Variants in PDE9A observed in about 807,000 individuals in gnomAD.
The protein encoded by PDE9A is phosphodiesterase 9A.
A neutral mutation model predicts 87.4 loss-of-function variants in PDE9A; 60 were observed. The observed-to-expected ratio is 0.69, with a 90% CI of 0.56 to 0.85. PDE9A has a LOEUF of 0.85. Among genes scored for constraint, PDE9A ranks in the 40% least tolerant of loss-of-function variants. The pLI, the probability that PDE9A is intolerant of heterozygous loss-of-function variation, is 0.00. For synonymous variants in PDE9A, 272 were observed against 279.4 expected (o/e 0.97, Z 0.27); for missense variants, 665 against 779.0 (o/e 0.85, Z 1.74).
rs770094354 is a variant in PDE9A at position 42,760,460 on chromosome 21, C to A, written c.1002+28C>A. On this transcript the variant is annotated intron_variant, in intron 12 of 19. Transcript: ENST00000291539. This position sits in a 1 kb window ranked among gnomAD's most constrained non-coding sequence, Gnocchi z 5.2. ...GGGTCCTGCCCGCTGCACACCCAGA[C>A]CTCTACTCTCGGGGGTCAGACGGAG... 1.5e-6 allele frequency: 2 copies of A among 1,351,128 alleles called. No homozygotes were observed. Among genetic ancestry groups the A allele is most frequent in the Non-Finnish European group, 2.1e-6 (2 of 952,206 alleles). The allele number at this position is 1,351,128 out of a possible 1,614,324, so 83.7% of individuals were successfully genotyped here. A position where few individuals can be genotyped will look rare whatever the true frequency, so the allele number is the denominator to read the frequency against.
At chr21:42,771,021 C>G (rs2269173) in intron 18 of PDE9A, among the ~76,000 whole-genome samples, 58,739 of 152,178 alleles carry the variant, frequency 0.39, 11,615 homozygotes, top group South Asian at 0.57. Flanking sequence ...GGTCTCAGTA[C>G]CTTCGAGGGA....
At chr21:42,656,764 G>C (rs1444015861) in intron 1 of PDE9A, among the ~76,000 whole-genome samples, 1 of 152,084 alleles carries the variant, frequency 6.6e-6, no homozygotes. Flanking sequence ...TGAGTCGGAG[G>C]TTGCCTCCTG....
intron 1 of PDE9A, among the ~76,000 whole-genome samples, chr21:42,681,232 G>C (rs1225301308): frequency 6.6e-6 from 1 of 152,226 alleles, no homozygotes; most frequent in Non-Finnish European, 1.5e-5. Context: ...AGAAGCCATG[G>C]ACAAAAGGAG....
rs375752742 is a variant in PDE9A at position 42,705,429 on chromosome 21, C to T, written c.262+6418C>T. 3.4e-4 allele frequency among the ~76,000 whole-genome samples: 52 copies of T among 152,260 alleles called. No individual in the cohort carries two copies. The highest frequency in any genetic ancestry group is 1.1e-3 in the African/African-American group (47 of 41,558). On this transcript the variant is annotated intron_variant, in intron 4 of 19. Transcript: ENST00000291539. This position sits in a 1 kb window ranked among gnomAD's most constrained non-coding sequence, Gnocchi z 4.3. Reference sequence around the variant, plus strand: ...CTGATGGCGGTTGACGGGTGTCCCCCGAGTGCCCTCGGCTGCCAGGAGCTG... The same window carrying T: ...CTGATGGCGGTTGACGGGTGTCCCCTGAGTGCCCTCGGCTGCCAGGAGCTG...
chr21:42,668,731 G>A (rs1221433486), intron 1 of PDE9A, among the ~76,000 whole-genome samples: 1 of 152,214 alleles, frequency 6.6e-6, no homozygotes, highest in Non-Finnish European at 1.5e-5. Context: ...CGGGATCCGC[G>A]CAGATGCCGG....
chr21:42,661,046 T>C (rs2057444100), intron 1 of PDE9A, among the ~76,000 whole-genome samples: 2 of 151,888 alleles, frequency 1.3e-5, no homozygotes, highest in Non-Finnish European at 2.9e-5. Flanking sequence ...TTTTTTTTTT[T>C]TTTGAGATGG....
At chr21:42,665,219 T>A (rs1434004998) in intron 1 of PDE9A, among the ~76,000 whole-genome samples, 2 of 151,910 alleles carry the variant, frequency 1.3e-5, no homozygotes, top group East Asian at 3.9e-4. Flanking sequence ...CTCCCTGGAG[T>A]CCTGGGAAGG....
At chr21:42,717,440 A>C (rs2050050171) in intron 4 of PDE9A, among the ~76,000 whole-genome samples, 1 of 147,338 alleles carries the variant, frequency 6.8e-6, no homozygotes, top group Admixed American at 6.8e-5. Context: ...ACAGGCGCCC[A>C]CCACCATGCC....
intron 1 of PDE9A, among the ~76,000 whole-genome samples, chr21:42,655,226 C>T (rs1361138923): frequency 6.6e-6 from 1 of 152,216 alleles, no homozygotes; most frequent in Admixed American, 6.5e-5. Context: ...GGCACATGCA[C>T]ACACACTTTT....
At chr21:42,732,260 A>T (rs974833647) in intron 6 of PDE9A, 136 bp downstream of exon 6, 4 of 780,656 alleles carry the variant, frequency 5.1e-6, no homozygotes, top group Middle Eastern at 3.3e-4. Flanking sequence ...AGCTGCCCGC[A>T]CGGTGGAAGC....
chr21:42,771,217 C>T (rs1602603533), intron 18 of PDE9A, among the ~76,000 whole-genome samples: 1 of 152,186 alleles, frequency 6.6e-6, no homozygotes, highest in Non-Finnish European at 1.5e-5. Context: ...TCCCCTGGCA[C>T]GGGGACAAAG....
At chr21:42,773,259 CA>C (rs10552392) in intron 19 of PDE9A, among the ~76,000 whole-genome samples, 33,772 of 84,242 alleles carry the variant, frequency 0.4, 3,310 homozygotes, top group Admixed American at 0.45. Flanking sequence ...GACTCCATCT[CA>C]AAAAAAAAAA....
intron 1 of PDE9A, among the ~76,000 whole-genome samples, chr21:42,654,878 C>T (rs551062095): frequency 6.6e-6 from 1 of 152,300 alleles, no homozygotes; most frequent in Non-Finnish European, 1.5e-5. Context: ...CTTTGAGAGA[C>T]TCAGATAACC....
intron 4 of PDE9A, among the ~76,000 whole-genome samples, chr21:42,728,960 A>ACTGCACT (rs1353815541): frequency 6.8e-6 from 1 of 147,644 alleles, no homozygotes; most frequent in Non-Finnish European, 1.5e-5. Context: ...GGATCATACC[A>ACTGCACT]CTGCACTCCA....
chr21:42,761,015 C>T (rs1248341714), intron 13 of PDE9A, 108 bp downstream of exon 13: 22 of 752,356 alleles, frequency 2.9e-5, no homozygotes, highest in South Asian at 2.6e-4. Context: ...CTGTCAACGA[C>T]GGCCTCCCAG....
intron 1 of PDE9A, among the ~76,000 whole-genome samples, chr21:42,677,199 C>T (rs1382392311): frequency 1.3e-5 from 2 of 152,182 alleles, no homozygotes; most frequent in Non-Finnish European, 2.9e-5. Context: ...AGGAAAATTT[C>T]GCTCCAGATT....
chr21:42,666,665 C>G (rs893397549), intron 1 of PDE9A, among the ~76,000 whole-genome samples: 1 of 152,140 alleles, frequency 6.6e-6, no homozygotes, highest in Non-Finnish European at 1.5e-5. Context: ...CATGCAGGGC[C>G]GAGCCTCTGC....
At chr21:42,732,238 C>A in intron 6 of PDE9A, 114 bp downstream of exon 6, 1 of 1,022,216 alleles carries the variant, frequency 9.8e-7, no homozygotes, top group South Asian at 1.4e-5. Context: ...GGCTGTCTCA[C>A]CTGCCTGGAG....
intron 1 of PDE9A, among the ~76,000 whole-genome samples, chr21:42,668,771 C>G (rs1601923115): frequency 1.3e-5 from 2 of 152,168 alleles, no homozygotes; most frequent in South Asian, 4.1e-4. Context: ...GAAATCCCAC[C>G]GTCAGGCCAG....
Sources: allele counts gnomAD v4.1 joint callset (sites outside exome capture counted in the v4.1 genomes callset), GRCh38; gene constraint gnomAD v4.1.1; non-coding constraint Gnocchi (gnomAD v3.1); transcripts MANE v1.5; gene names NCBI Gene and HGNC (gene_info 2026-07-23, HGNC 2026-07-21).